The following PHACTR1 variants were observed in gnomAD, a reference collection of about 807,000 sequenced individuals.
The protein encoded by PHACTR1 is RPEL repeat containing 1.
A neutral mutation model predicts 69.2 loss-of-function variants in PHACTR1; 16 were observed. The observed-to-expected ratio is 0.23, with a 90% CI of 0.16 to 0.35. PHACTR1 has a LOEUF of 0.35. PHACTR1 is among the 10% of genes least tolerant of loss of function. PHACTR1 has a pLI of 1.00. For synonymous variants in PHACTR1, 312 were observed against 284.5 expected, an observed-to-expected ratio of 1.10 and a Z score of -0.97; for missense variants, 510 against 734.7, an observed-to-expected ratio of 0.69 and a Z score of 3.54.
intron 4 of PHACTR1, among the ~76,000 whole-genome samples, chr6:12,923,747 T>A (rs557423861): frequency 1.3e-5 from 2 of 152,240 alleles, no homozygotes; most frequent in Non-Finnish European, 2.9e-5. Flanking sequence ...GCTCTTTCCC[T>A]TTGCAATTGA....
At chr6:12,839,514 G>A (rs760692096) in intron 4 of PHACTR1, among the ~76,000 whole-genome samples, 1 of 152,070 alleles carries the variant, frequency 6.6e-6, no homozygotes, top group Non-Finnish European at 1.5e-5. Context: ...GAGGTAGGCT[G>A]GCCCTTCTAG....
chr6:12,872,629 C>T (rs917372125), intron 4 of PHACTR1, among the ~76,000 whole-genome samples: 2 of 152,158 alleles, frequency 1.3e-5, no homozygotes, highest in African/African-American at 4.8e-5. Context: ...CCCTATTATA[C>T]GTTAATCAAT....
In PHACTR1 at chr6:13,078,680, A is replaced by G. The variant is rs539609479; in HGVS notation, c.415+25151A>G. ...AGACTGGCAGATACATTTAATCAGC[A>G]AAAGAGTTGTTCCTGTGATTAGCAT... On this transcript the variant is annotated intron_variant, in intron 5 of 14. Transcript: ENST00000332995. Among the ~76,000 whole-genome samples the G allele has an allele frequency of 3.9e-5, 6 of 152,332 alleles. No homozygotes were observed. The East Asian group carries it at 5.8e-4, about 15-fold the overall frequency.
intron 5 of PHACTR1, among the ~76,000 whole-genome samples, chr6:13,105,360 G>A (rs188245241): frequency 6.6e-6 from 1 of 152,080 alleles, no homozygotes; most frequent in Non-Finnish European, 1.5e-5. Context: ...CCCTGGGTGA[G>A]AGAGTGAGAC....
In PHACTR1 at chr6:12,749,675, A is replaced by G. The variant is rs770132574; in HGVS notation, c.135A>G (p.Thr45=). Residue 45 remains threonine, a synonymous_variant, in exon 4 of 15, where the codon ACA becomes ACG. Coordinates refer to ENST00000332995, the MANE Select transcript of PHACTR1 (RefSeq NM_030948.6). ...GGGCGACCCTGCTCCTGCCTCCCAC[A>G]TTAATGGCGGCATCCTCGGAGGATG... ...ARRATLLLPP[T]LMAASSEDDI... The G allele has an allele frequency of 5.5e-5, 88 of 1,606,538 alleles. No homozygotes were observed. Among genetic ancestry groups the G allele is most frequent in the Non-Finnish European group, 7.3e-5 (86 of 1,176,844 alleles).
intron 4 of PHACTR1, among the ~76,000 whole-genome samples, chr6:12,985,057 A>G (rs1313957391): frequency 2.0e-5 from 3 of 152,354 alleles, no homozygotes; most frequent in East Asian, 1.9e-4. Flanking sequence ...TTCCACTAGT[A>G]TATATAGATA....
At chr6:12,810,028 T>C (rs571817974) in intron 4 of PHACTR1, among the ~76,000 whole-genome samples, 2 of 152,326 alleles carry the variant, frequency 1.3e-5, no homozygotes, top group Admixed American at 1.3e-4. Context: ...TTAAAATCTG[T>C]GTGTAGATAG....
At chr6:13,068,356 A>T (rs1808989006) in intron 5 of PHACTR1, among the ~76,000 whole-genome samples, 1 of 152,170 alleles carries the variant, frequency 6.6e-6, no homozygotes, top group Non-Finnish European at 1.5e-5. Context: ...GCATTCTATA[A>T]GTTTAAGGAT....
chr6:13,206,798 G>A (rs924252991), intron 8 of PHACTR1, among the ~76,000 whole-genome samples: 2 of 152,160 alleles, frequency 1.3e-5, no homozygotes, highest in Non-Finnish European at 2.9e-5. Flanking sequence ...CTAGGACAGT[G>A]TAGACATGCC....
intron 4 of PHACTR1, among the ~76,000 whole-genome samples, chr6:12,825,548 G>A (rs539076924): frequency 7.2e-5 from 11 of 152,260 alleles, no homozygotes; most frequent in African/African-American, 2.6e-4. Context: ...GTATTTTGAA[G>A]GTCAAGTGCT....
At chr6:13,117,386 T>A (rs1429896685) in intron 5 of PHACTR1, among the ~76,000 whole-genome samples, 1 of 152,220 alleles carries the variant, frequency 6.6e-6, no homozygotes, top group Non-Finnish European at 1.5e-5. Context: ...TCAGTAGTGA[T>A]GTCATATGGA....
At chr6:13,269,360 C>G (rs1260005989) in intron 10 of PHACTR1, among the ~76,000 whole-genome samples, 1 of 152,156 alleles carries the variant, frequency 6.6e-6, no homozygotes, top group South Asian at 2.1e-4. Context: ...CCTCTGACAC[C>G]GGCTCACTCA....
intron 5 of PHACTR1, among the ~76,000 whole-genome samples, chr6:13,139,046 A>T (rs1486980497): frequency 6.6e-6 from 1 of 151,856 alleles, no homozygotes; most frequent in African/African-American, 2.4e-5. Context: ...ATTTTTTTTT[A>T]CATGAAAGCC....
intron 8 of PHACTR1, among the ~76,000 whole-genome samples, chr6:13,215,090 A>C (rs1358826722): frequency 1.3e-5 from 2 of 152,256 alleles, no homozygotes; most frequent in Non-Finnish European, 2.9e-5. Flanking sequence ...GTAAACCTTG[A>C]ATGAAAACAG....
At chr6:12,904,993 C>G (rs981229286) in intron 4 of PHACTR1, among the ~76,000 whole-genome samples, 28 of 152,138 alleles carry the variant, frequency 1.8e-4, no homozygotes, top group African/African-American at 5.8e-4. Context: ...CAGGAAAGTC[C>G]AGTGGAAAGC....
intron 4 of PHACTR1, among the ~76,000 whole-genome samples, chr6:12,976,612 G>A (rs1794909744): frequency 6.6e-6 from 1 of 152,090 alleles, no homozygotes; most frequent in Non-Finnish European, 1.5e-5. Flanking sequence ...ATATTAAATG[G>A]GAAATTCCAG....
chr6:13,283,787 CAGG>C lies in PHACTR1; in HGVS notation c.1650+234_1650+236del, dbSNP rs1188549687. The C allele has an allele frequency of 6.7e-6, 4 of 594,614 alleles. No individual in the cohort carries two copies. The highest frequency in any genetic ancestry group is 1.2e-5 in the Non-Finnish European group (4 of 344,400). The allele number at this position is 594,614 out of a possible 1,614,324, so 36.8% of individuals were successfully genotyped here. ...GGCACATAATACTGTGCCCATTTTA[CAGG>C]AGGAGGAGCAGCAGCCTGGGAGGCT... is the stretch of plus-strand genomic sequence containing the variant. On this transcript the variant is annotated intron_variant, in intron 13 of 14. Transcript: ENST00000332995. This position sits in a 1 kb window ranked among gnomAD's most constrained non-coding sequence, Gnocchi z 4.7.
chr6:12,828,429 A>C (rs1777040647), intron 4 of PHACTR1, among the ~76,000 whole-genome samples: 1 of 152,134 alleles, frequency 6.6e-6, no homozygotes, highest in Non-Finnish European at 1.5e-5. Context: ...TGTTCTTTTT[A>C]TAAGAAAATA....
chr6:12,825,817 T>C (rs1776742870), intron 4 of PHACTR1, among the ~76,000 whole-genome samples: 1 of 152,166 alleles, frequency 6.6e-6, no homozygotes, highest in African/African-American at 2.4e-5. Context: ...CTCTCTTCAC[T>C]TCATGAAATT....
Sources: gnomAD v4.1 joint callset for allele counts (sites outside exome capture counted in the v4.1 genomes callset) on GRCh38, gnomAD v4.1.1 for gene constraint, Gnocchi (gnomAD v3.1) non-coding constraint, MANE v1.5 for transcripts, NCBI Gene and HGNC (gene_info 2026-07-23, HGNC 2026-07-21) for gene names.